IL1RL2: variants seen among roughly 807,000 people sequenced by gnomAD.
The protein encoded by IL1RL2 is interleukin 1 receptor like 2, also known as interleukin-1 receptor-like 2.
Under a neutral mutation model 66.8 loss-of-function variants are expected in IL1RL2, and 68 were observed. The observed-to-expected ratio is 1.02, with a 90% CI of 0.84 to 1.25. IL1RL2 has a LOEUF of 1.25. Ranked by LOEUF, IL1RL2 falls within the 50% of genes most tolerant of loss-of-function variation. The probability of loss-of-function intolerance (pLI) is 0.00; values close to 1 mark genes in which losing one functional copy is unlikely to be tolerated. For missense variants in IL1RL2, 729 were observed against 709.3 expected (o/e 1.03, Z -0.32); for synonymous variants, 305 against 264.6 (o/e 1.15, Z -1.48).
chr2:102,189,496 C>A (rs35433374), intron 3 of IL1RL2, among the ~76,000 whole-genome samples, 186 bp downstream of exon 3: 72 of 152,346 alleles, frequency 4.7e-4, no homozygotes, highest in South Asian at 1.0e-3. Flanking sequence ...ATTTTTGGAA[C>A]CTGATATGCA....
downstream of IL1RL2, among the ~76,000 whole-genome samples, chr2:102,241,304 G>T (rs1294705981): frequency 6.6e-6 from 1 of 152,204 alleles, no homozygotes; most frequent in African/African-American, 2.4e-5. Flanking sequence ...TTTACTATGT[G>T]CTCGCAAGAG....
intron 8 of IL1RL2, among the ~76,000 whole-genome samples, chr2:102,224,394 A>G (rs1690416666): frequency 6.6e-6 from 1 of 152,232 alleles, no homozygotes; most frequent in Non-Finnish European, 1.5e-5. Context: ...TCCATAAAAG[A>G]GAATGAAATT....
chr2:102,201,243 T>C (rs930671290), intron 4 of IL1RL2, among the ~76,000 whole-genome samples: 1 of 152,168 alleles, frequency 6.6e-6, no homozygotes, highest in Non-Finnish European at 1.5e-5. Flanking sequence ...CAAGTCCTAC[T>C]AGACTTATTG....
At chr2:102,189,719 G>A (rs1369972105) in intron 3 of IL1RL2, among the ~76,000 whole-genome samples, 1 of 152,240 alleles carries the variant, frequency 6.6e-6, no homozygotes, top group Non-Finnish European at 1.5e-5. Context: ...CCAGGTTCAA[G>A]TGATTCTCCT....
chr2:102,201,413 A>G (rs1578117606), intron 4 of IL1RL2, 143 bp from the exon 5 acceptor site: 4 of 669,570 alleles, frequency 6.0e-6, no homozygotes, highest in South Asian at 1.8e-5. Context: ...TCTATCATCA[A>G]TCTATCATCT....
At chr2:102,196,478 C>T (rs1393578389) in intron 4 of IL1RL2, among the ~76,000 whole-genome samples, 1 of 152,220 alleles carries the variant, frequency 6.6e-6, no homozygotes, top group Non-Finnish European at 1.5e-5. Flanking sequence ...GGAATCAATT[C>T]TGCAATATCT....
intron 4 of IL1RL2, among the ~76,000 whole-genome samples, chr2:102,193,627 C>T (rs1423825994): frequency 6.6e-6 from 1 of 152,208 alleles, no homozygotes. Context: ...GGTAGGATTA[C>T]AGGCATGAAC....
chr2:102,230,717 G>A (rs1224301997), intron 9 of IL1RL2, among the ~76,000 whole-genome samples: 1 of 152,170 alleles, frequency 6.6e-6, no homozygotes, highest in Non-Finnish European at 1.5e-5. Context: ...GCGTGTATAT[G>A]ACTACATGTG....
At chr2:102,208,358 C>T in intron 5 of IL1RL2, among the ~76,000 whole-genome samples, 1 of 152,200 alleles carries the variant, frequency 6.6e-6, no homozygotes, top group South Asian at 2.1e-4. Context: ...AGGGGAGCAA[C>T]TTATTCAAGG....
chr2:102,212,669 TA>T (rs1169119621), intron 6 of IL1RL2, among the ~76,000 whole-genome samples: 1 of 152,094 alleles, frequency 6.6e-6, no homozygotes, highest in Non-Finnish European at 1.5e-5. Context: ...CTTTTTAAAT[TA>T]AAAAATAATC....
chr2:102,233,114 C>T lies in IL1RL2; in HGVS notation c.1287C>T (p.Phe429=). The T allele has an allele frequency of 6.2e-7, 1 of 1,611,556 alleles. No homozygotes were observed. Among genetic ancestry groups the T allele is most frequent in the Non-Finnish European group, 8.5e-7 (1 of 1,177,988 alleles). The stretch of plus-strand genomic sequence containing the variant: ...TGTTTATATTCGGCAGAGATGAATT[C>T]CCTGGACAAGGTGGGTTTTAAGTGA... ...YKLFIFGRDE[F]PGQAVANVID... Residue 429 remains phenylalanine (F), a synonymous_variant, in exon 10 of 12, where the codon TTC becomes TTT. Transcript: ENST00000264257.
chr2:102,202,611 A>G (rs971078231), intron 5 of IL1RL2, among the ~76,000 whole-genome samples: 1 of 152,056 alleles, frequency 6.6e-6, no homozygotes, highest in African/African-American at 2.4e-5. Flanking sequence ...GTATTTTAAT[A>G]TTTTTGAAAT....
chr2:102,243,053 C>T (rs969133749), downstream of IL1RL2, among the ~76,000 whole-genome samples: 2 of 152,244 alleles, frequency 1.3e-5, no homozygotes, highest in African/African-American at 4.8e-5. Context: ...GTCCCAGGCT[C>T]AAGCCTGAGT....
intron 8 of IL1RL2, 32 bp from the exon 9 acceptor site, chr2:102,225,866 A>T (rs1322118294): frequency 7.3e-5 from 106 of 1,446,074 alleles, no homozygotes; most frequent in Non-Finnish European, 9.5e-5. Flanking sequence ...TTATAATTAT[A>T]ATTATTATTA....
intron 11 of IL1RL2, chr2:102,235,665 G>A (rs995712671): frequency 5.1e-6 from 5 of 985,270 alleles, no homozygotes; most frequent in Admixed American, 6.2e-5. Context: ...AGCCTGTGCT[G>A]TCGGGGGACC....
intron 4 of IL1RL2, among the ~76,000 whole-genome samples, chr2:102,197,246 C>G (rs962895381): frequency 6.6e-6 from 1 of 152,058 alleles, no homozygotes; most frequent in Non-Finnish European, 1.5e-5. Flanking sequence ...TGAAGGCTTG[C>G]AGGAGAGGGA....
At chr2:102,192,212 T>G (rs1327926864) in intron 4 of IL1RL2, 92 bp downstream of exon 4, 3 of 855,348 alleles carry the variant, frequency 3.5e-6, no homozygotes, top group Non-Finnish European at 5.3e-6. Context: ...AAGGCAGAAT[T>G]GGTAAAGAAA....
intron 6 of IL1RL2, among the ~76,000 whole-genome samples, chr2:102,215,552 G>A (rs1236795854): frequency 2.6e-5 from 4 of 152,018 alleles, no homozygotes; most frequent in Non-Finnish European, 5.9e-5. Flanking sequence ...ATACCCATGA[G>A]GGTGTACATA....
downstream of IL1RL2, among the ~76,000 whole-genome samples, chr2:102,241,965 T>C (rs1464200173): frequency 2.0e-5 from 3 of 152,254 alleles, no homozygotes; most frequent in African/African-American, 7.2e-5. Flanking sequence ...AATAATCCAG[T>C]GCAGGGAGTG....
Sources: allele counts gnomAD v4.1 joint callset (sites outside exome capture counted in the v4.1 genomes callset), GRCh38; gene constraint gnomAD v4.1.1; transcripts MANE v1.5; gene names NCBI Gene and HGNC (gene_info 2026-07-23, HGNC 2026-07-21).